The following GLIS1 variants were observed in gnomAD, a reference collection of about 807,000 sequenced individuals.
GLIS1 encodes GLIS family zinc finger 1.
Under a neutral mutation model 63.8 loss-of-function variants are expected in GLIS1, and 24 were observed. The observed-to-expected ratio is 0.38, with a 90% CI of 0.27 to 0.53. GLIS1 has a LOEUF of 0.53. Ranked by LOEUF, GLIS1 falls within the 20% of genes least tolerant of loss-of-function variation. The pLI is 0.85. For missense variants in GLIS1, 1,036 were observed against 1,074.1 expected (o/e 0.96, Z 0.50); for synonymous variants, 450 against 482.5 (o/e 0.93, Z 0.88).
chr1:53,614,906 ACACT>A (rs978247279), intron 2 of GLIS1, among the ~76,000 whole-genome samples: 8 of 138,276 alleles, frequency 5.8e-5, no homozygotes, highest in East Asian at 2.3e-4. Context: ...ATTCGTGCAC[ACACT>A]CACACACACT....
intron 5 of GLIS1, 92 bp from the exon 6 acceptor site, chr1:53,524,979 G>A (rs1218273756): frequency 1.7e-5 from 16 of 942,630 alleles, no homozygotes; most frequent in Admixed American, 7.9e-5. Context: ...GTGACCAGGC[G>A]AGAGGCTGGC....
At chr1:53,621,537 C>T (rs1315537849) in intron 2 of GLIS1, among the ~76,000 whole-genome samples, 5 of 152,264 alleles carry the variant, frequency 3.3e-5, no homozygotes, top group Non-Finnish European at 5.9e-5. Context: ...CAATTAGCCA[C>T]AAATTACTTC....
chr1:53,695,153 G>C (rs1646451859), intron 2 of GLIS1, among the ~76,000 whole-genome samples: 1 of 152,168 alleles, frequency 6.6e-6, no homozygotes, highest in South Asian at 2.1e-4. Flanking sequence ...GTGGGTTGAG[G>C]AAGAGGAAAG....
intron 2 of GLIS1, among the ~76,000 whole-genome samples, chr1:53,658,683 C>T (rs575472963): frequency 3.9e-4 from 59 of 152,292 alleles, no homozygotes; most frequent in African/African-American, 1.4e-3. Context: ...CCTTGCACTC[C>T]CACTAGCCTG....
At chr1:53,650,351 A>T (rs915629715) in intron 2 of GLIS1, among the ~76,000 whole-genome samples, 4 of 152,222 alleles carry the variant, frequency 2.6e-5, no homozygotes, top group African/African-American at 4.8e-5. Flanking sequence ...GCACTTTGGG[A>T]GGCTGAGGCA....
chr1:53,682,249 C>T (rs1646283826), intron 2 of GLIS1, among the ~76,000 whole-genome samples: 1 of 152,236 alleles, frequency 6.6e-6, no homozygotes, highest in Admixed American at 6.5e-5. Flanking sequence ...ATTCTTCACT[C>T]CTTCAGCCAT....
intron 2 of GLIS1, among the ~76,000 whole-genome samples, chr1:53,679,434 C>G (rs776783395): frequency 1.3e-5 from 2 of 152,204 alleles, no homozygotes; most frequent in Non-Finnish European, 2.9e-5. Flanking sequence ...GAACGTCTGA[C>G]CTGAAGCATC....
At chr1:53,703,216 C>T (rs1646542889) in intron 2 of GLIS1, among the ~76,000 whole-genome samples, 1 of 152,188 alleles carries the variant, frequency 6.6e-6, no homozygotes, top group South Asian at 2.1e-4. Flanking sequence ...TTATTTTCAC[C>T]ACCACTCTAC....
intron 2 of GLIS1, among the ~76,000 whole-genome samples, chr1:53,619,872 C>T (rs931016239): frequency 6.6e-6 from 1 of 152,228 alleles, no homozygotes; most frequent in Non-Finnish European, 1.5e-5. Flanking sequence ...CAAGGTGACA[C>T]TGGGGCCAGT....
intron 4 of GLIS1, among the ~76,000 whole-genome samples, chr1:53,576,719 C>T (rs1343874576): frequency 1.3e-5 from 2 of 152,164 alleles, no homozygotes; most frequent in Non-Finnish European, 2.9e-5. Flanking sequence ...CACATATGCA[C>T]ACATACTCGT....
intron 9 of GLIS1, 114 bp downstream of exon 9, chr1:53,509,735 C>T (rs777375199): frequency 1.1e-5 from 7 of 617,698 alleles, no homozygotes; most frequent in Non-Finnish European, 1.7e-5. Flanking sequence ...AGTGCCCAGC[C>T]GGTCATTCTC....
chr1:53,632,962 G>A (rs1450289006), intron 2 of GLIS1, among the ~76,000 whole-genome samples: 1 of 148,322 alleles, frequency 6.7e-6, no homozygotes, highest in East Asian at 2.1e-4. Flanking sequence ...TGAGGGGCGT[G>A]TATATGTGTG....
intron 2 of GLIS1, among the ~76,000 whole-genome samples, chr1:53,695,135 G>C (rs1646451375): frequency 6.6e-6 from 1 of 152,120 alleles, no homozygotes; most frequent in African/African-American, 2.4e-5. Context: ...CTGTCAGCTG[G>C]GGTGGGGGTG....
chr1:53,601,479 G>T (rs1489584688), intron 2 of GLIS1, among the ~76,000 whole-genome samples: 1 of 152,158 alleles, frequency 6.6e-6, no homozygotes, highest in East Asian at 1.9e-4. Flanking sequence ...CCTGGAACAT[G>T]ATTGACTCCT....
At chr1:53,692,891 A>C (rs551863029) in intron 2 of GLIS1, among the ~76,000 whole-genome samples, 1 of 151,934 alleles carries the variant, frequency 6.6e-6, no homozygotes, top group East Asian at 1.9e-4. Context: ...TGAGAAACCC[A>C]CTCAATCTTC....
chr1:53,619,109 C>T (rs887914308), intron 2 of GLIS1, among the ~76,000 whole-genome samples: 7 of 152,238 alleles, frequency 4.6e-5, no homozygotes, highest in African/African-American at 1.7e-4. Context: ...GCCTCTCCCT[C>T]CTCTGGCCCC....
intron 2 of GLIS1, among the ~76,000 whole-genome samples, chr1:53,629,919 G>A (rs1180733759): frequency 1.3e-5 from 2 of 152,204 alleles, no homozygotes; most frequent in Admixed American, 1.3e-4. Flanking sequence ...CTTTCTGAGA[G>A]ATATGTATGG....
At chr1:53,709,403 T>TATATATACATATATAC (rs1553140190) in intron 2 of GLIS1, among the ~76,000 whole-genome samples, 1,200 of 14,786 alleles carry the variant, frequency 0.081, 33 homozygotes, top group African/African-American at 0.12. Context: ...TACATATACA[T>TATATATACATATATAC]ATATATATAC....
At chr1:53,625,330 G>C (rs1443765737) in intron 2 of GLIS1, among the ~76,000 whole-genome samples, 1 of 152,170 alleles carries the variant, frequency 6.6e-6, no homozygotes, top group African/African-American at 2.4e-5. Flanking sequence ...TTATTTGGGG[G>C]CTTTGAGTAT....
Sources: allele counts gnomAD v4.1 joint callset (sites outside exome capture counted in the v4.1 genomes callset), GRCh38; gene constraint gnomAD v4.1.1; transcripts MANE v1.5; gene names NCBI Gene and HGNC (gene_info 2026-07-23, HGNC 2026-07-21).